Variants in GPATCH2L observed in about 807,000 individuals in gnomAD.
The protein encoded by GPATCH2L is G patch domain-containing protein 2-like.
GPATCH2L carries 31 observed loss-of-function variants against 57.4 expected under a neutral mutation model. The observed-to-expected ratio is 0.54, with a 90% CI of 0.41 to 0.73. The LOEUF is 0.73. Ranked by LOEUF, GPATCH2L falls within the 30% of genes least tolerant of loss-of-function variation. The pLI, the probability that GPATCH2L is intolerant of heterozygous loss-of-function variation, is 0.00. For synonymous variants in GPATCH2L, 199 were observed against 210.7 expected (o/e 0.94, Z 0.48); for missense variants, 481 against 599.9 (o/e 0.80, Z 2.07).
intron 8 of GPATCH2L, among the ~76,000 whole-genome samples, chr14:76,192,796 TAAC>T (rs1185897185): frequency 4.6e-5 from 7 of 152,186 alleles, no homozygotes; most frequent in South Asian, 2.1e-4. Context: ...ATAATTCACT[TAAC>T]AAGTTTCTTT....
intron 8 of GPATCH2L, 61 bp from the exon 9 acceptor site, chr14:76,195,817 G>T: frequency 2.4e-6 from 3 of 1,248,602 alleles, no homozygotes; most frequent in Non-Finnish European, 3.5e-6. Context: ...TGGGCTACAT[G>T]TAATGTCTTA....
chr14:76,160,749 C>T (rs2139582802), intron 2 of GPATCH2L, among the ~76,000 whole-genome samples: 1 of 152,112 alleles, frequency 6.6e-6, no homozygotes, highest in South Asian at 2.1e-4. Flanking sequence ...TATGCAGGCC[C>T]CAGAATCCAT....
chr14:76,177,518 AT>A (rs1566792832), intron 6 of GPATCH2L, among the ~76,000 whole-genome samples: 2 of 151,670 alleles, frequency 1.3e-5, no homozygotes, highest in African/African-American at 4.9e-5. Context: ...TCCTATACAC[AT>A]CCAACTCGGG....
chr14:76,193,491 T>C (rs1250263275), intron 8 of GPATCH2L, among the ~76,000 whole-genome samples: 2 of 152,200 alleles, frequency 1.3e-5, no homozygotes, highest in African/African-American at 4.8e-5. Context: ...ACTCAGCATA[T>C]TGTAAACTGT....
intron 3 of GPATCH2L, among the ~76,000 whole-genome samples, chr14:76,167,081 C>T (rs951313262): frequency 2.7e-4 from 41 of 152,028 alleles, no homozygotes; most frequent in African/African-American, 9.6e-4. Flanking sequence ...GTGTTACTGT[C>T]TTTTTTTAGG....
In GPATCH2L at chr14:76,177,152, C is replaced by A. The variant is rs111370519; in HGVS notation, c.1052+462C>A. On this transcript the variant is annotated intron_variant, in intron 6 of 9. Coordinates refer to ENST00000261530, the MANE Select transcript of GPATCH2L (RefSeq NM_017926.4). ...CCTCTGCCTCCTAGGCTCAAGCAAT[C>A]CTCCCACTTTGGCCTCTTGAGTAGT... 3.4e-3 allele frequency among the ~76,000 whole-genome samples: 522 copies of A among 152,196 alleles called. 4 individuals are homozygous for A. Among genetic ancestry groups the A allele is most frequent in the African/African-American group, 0.012 (484 of 41,524 alleles).
chr14:76,195,896 G>C lies in GPATCH2L; in HGVS notation c.1212G>C (p.Trp404Cys). 6.2e-7 allele frequency: 1 copy of C among 1,613,500 alleles called. No individual in the cohort carries two copies. Among genetic ancestry groups the C allele is most frequent in the Non-Finnish European group, 8.5e-7 (1 of 1,179,552 alleles). ...TCTGCAGACAGGCAAATGTACACTG[G>C]GGACCACCATGTTCACGTGACATCA... is the stretch of plus-strand genomic sequence containing the variant. The part of the protein sequence containing the change: ...HCSARQANVH[W>C]GPPCSRDIKR... Residue 404 changes from tryptophan to cysteine, a missense_variant, in exon 9 of 10, where the codon TGG becomes TGC. By Grantham distance (215) the Trp-to-Cys change is radical. Around this residue, in one of 3 missense-constraint regions of GPATCH2L, gnomAD observed 248 missense variants for 270.5 expected, o/e 0.92. Transcript: ENST00000261530.
At chr14:76,166,819 G>A (rs2038863495) in intron 3 of GPATCH2L, 92 bp downstream of exon 3, 1 of 888,212 alleles carries the variant, frequency 1.1e-6, no homozygotes, top group Admixed American at 2.0e-5. Context: ...TATGGTGACT[G>A]TCTATGGCAG....
At position 76,176,643 on chromosome 14, in the gene GPATCH2L, G is replaced by A. The variant is rs1231238651; in HGVS notation, c.1005G>A (p.Leu335=). The change falls in exon 6 of 10, where the codon TTG becomes TTA. Residue 335 remains leucine, a synonymous_variant. Coordinates refer to ENST00000261530, the MANE Select transcript of GPATCH2L (RefSeq NM_017926.4). ...TTTAGGAGACCAGCATAAACACTTT[G>A]GGGACTGAGAGGATAAGCCATATCA... ...LVGKETSINT[L]GTERISHIIS... is the part of the protein sequence containing the mutation. 1 of 1,610,398 alleles carries A rather than the reference G, an allele frequency of 6.2e-7. No individual in the cohort carries two copies. The highest frequency in any genetic ancestry group is 8.5e-7 in the Non-Finnish European group (1 of 1,176,722).
chr14:76,209,933 G>C lies in GPATCH2L; in HGVS notation c.*8082G>C, dbSNP rs1017881598. The stretch of plus-strand genomic sequence containing the variant: ...AGTTGAGCTTCCTCACACATGGGAA[G>C]GTACTTCAGATGCTGGACAGCCAAT... On this transcript the variant is annotated 3_prime_UTR_variant, in exon 10 of 10. Coordinates refer to ENST00000261530, the MANE Select transcript of GPATCH2L (RefSeq NM_017926.4). 2 of 152,196 alleles carry C rather than the reference G, an allele frequency of 1.3e-5. No individual in the cohort carries two copies. The highest frequency in any genetic ancestry group is 4.8e-5 in the African/African-American group (2 of 41,452). The allele number at this position is 152,196 out of a possible 1,614,324, so 9.4% of individuals were successfully genotyped here. A position where few individuals can be genotyped will look rare whatever the true frequency, so the allele number is the denominator to read the frequency against.
chr14:76,183,836 G>A (rs1482796932), intron 8 of GPATCH2L, among the ~76,000 whole-genome samples: 4 of 152,312 alleles, frequency 2.6e-5, no homozygotes, highest in Non-Finnish European at 5.9e-5. Flanking sequence ...GGATCATTTA[G>A]CAAAAGCCTG....
intron 8 of GPATCH2L, among the ~76,000 whole-genome samples, chr14:76,192,238 G>T (rs1217092028): frequency 6.6e-6 from 1 of 150,766 alleles, no homozygotes; most frequent in Non-Finnish European, 1.5e-5. Context: ...ACTTCACATA[G>T]AAAAATAGAT....
intron 1 of GPATCH2L, among the ~76,000 whole-genome samples, chr14:76,219,957 T>A (rs956583445): frequency 1.3e-5 from 2 of 152,216 alleles, no homozygotes; most frequent in South Asian, 4.1e-4. Context: ...GCTGTCCTTG[T>A]GTGACTTAAG....
chr14:76,154,825 TG>T lies in GPATCH2L; in HGVS notation c.463del (p.Glu155ArgfsTer40). The T allele has an allele frequency of 6.2e-7, 1 of 1,614,160 alleles. No individual in the cohort carries two copies. Among genetic ancestry groups the T allele is most frequent in the Non-Finnish European group, 8.5e-7 (1 of 1,180,010 alleles). ...AGCTGAAGGTGTCAGATTGGAGCTATGAGAGAGGCTGCAGGTTCAAGTCTGC... is the reference window on the plus strand; with the variant it reads ...AGCTGAAGGTGTCAGATTGGAGCTATAGAGAGGCTGCAGGTTCAAGTCTGC... ...QKLKVSDWSY[E>X]RGCRFKSAKK... On this transcript the variant is annotated frameshift_variant, in exon 2 of 10. Coordinates refer to ENST00000261530, the MANE Select transcript of GPATCH2L (RefSeq NM_017926.4). LOFTEE classifies it high-confidence loss of function. The surrounding 1 kb of genome is among the most constrained non-coding windows in gnomAD (Gnocchi z 4.4).
intron 3 of GPATCH2L, among the ~76,000 whole-genome samples, chr14:76,167,424 T>C (rs1370112681): frequency 1.3e-5 from 2 of 152,224 alleles, no homozygotes; most frequent in South Asian, 2.1e-4. Flanking sequence ...TTTAGGGATT[T>C]CTAAAGTCTC....
intron 9 of GPATCH2L, among the ~76,000 whole-genome samples, chr14:76,197,491 T>C (rs1414239218): frequency 6.6e-6 from 1 of 152,138 alleles, no homozygotes; most frequent in African/African-American, 2.4e-5. Context: ...TGAGCCCAGC[T>C]CCTTTCCTCA....
At chr14:76,220,861 T>G (rs1010440873) in intron 1 of GPATCH2L, among the ~76,000 whole-genome samples, 5 of 152,152 alleles carry the variant, frequency 3.3e-5, no homozygotes, top group Non-Finnish European at 5.9e-5. Context: ...TAAATTGCAG[T>G]AGATGTTAGA....
chr14:76,217,830 T>C (rs1363663142), downstream of GPATCH2L, among the ~76,000 whole-genome samples: 2 of 152,194 alleles, frequency 1.3e-5, no homozygotes, highest in African/African-American at 4.8e-5. Context: ...TATAGTCGAT[T>C]GATTTTCACA....
chr14:76,195,950 A>G lies in GPATCH2L; in HGVS notation c.1266A>G (p.Ala422=), dbSNP rs774280716. 3.1e-6 allele frequency: 5 copies of G among 1,613,330 alleles called. No homozygotes were observed. Among genetic ancestry groups the G allele is most frequent in the Middle Eastern group, 1.7e-4 (1 of 6,054 alleles). Residue 422 remains alanine (A), a synonymous_variant, in exon 9 of 10, where the codon GCA becomes GCG. Transcript: ENST00000261530. ...GGAAGCGGAAACCAGTGGCCACAGC[A>G]TCTTTGTCTAGCCCCAGTGCAGGTG... ...IKRKRKPVAT[A]SLSSPSAVHM...
Sources: allele counts gnomAD v4.1 joint callset (sites outside exome capture counted in the v4.1 genomes callset), GRCh38; gene constraint gnomAD v4.1.1; regional missense constraint gnomAD v4.1.1; non-coding constraint Gnocchi (gnomAD v3.1); transcripts MANE v1.5; gene names NCBI Gene and HGNC (gene_info 2026-07-23, HGNC 2026-07-21).